APLP2: variants seen among roughly 807,000 people sequenced by gnomAD.
APLP2 encodes CDEI box-binding protein.
APLP2 carries 53 observed loss-of-function variants against 89.9 expected under a neutral mutation model. That is an observed-to-expected ratio of 0.59 (90% CI 0.47 to 0.74). APLP2 has a LOEUF of 0.74. APLP2 is among the 30% of genes least tolerant of loss of function. APLP2 has a pLI of 0.00. For missense variants in APLP2, 973 were observed against 975.9 expected (o/e 1.00, Z 0.04); for synonymous variants, 372 against 348.6 (o/e 1.07, Z -0.75).
At chr11:130,119,214 C>G (rs1169990654) in intron 3 of APLP2, among the ~76,000 whole-genome samples, 1 of 152,162 alleles carries the variant, frequency 6.6e-6, no homozygotes. Flanking sequence ...GTTAGTCTGC[C>G]AGCTGCATCT....
chr11:130,136,845 ACTT>A (rs1156911889), intron 13 of APLP2, among the ~76,000 whole-genome samples: 2 of 152,136 alleles, frequency 1.3e-5, no homozygotes, highest in Non-Finnish European at 2.9e-5. Context: ...TGCTTGGACA[ACTT>A]CTTATGTGCT....
At position 130,141,969 on chromosome 11, in the gene APLP2, C is replaced by T. The variant is rs972711664; in HGVS notation, c.2049C>T (p.Leu683=). The T allele has an allele frequency of 1.2e-5, 19 of 1,613,960 alleles. No individual in the cohort carries two copies. The highest frequency in any genetic ancestry group is 1.7e-5 in the Admixed American group (1 of 59,998). The change falls in exon 16 of 17, where the codon CTC becomes CTT. Residue 683 remains leucine, a synonymous_variant. Transcript: ENST00000338167. The surrounding 1 kb of genome is among the most constrained non-coding windows in gnomAD (Gnocchi z 4.2). The stretch of plus-strand genomic sequence containing the variant: ...ACTTCAGTCTGAGTAGCAGTGCTCT[C>T]ATTGGCCTGCTGGTCATCGCAGTGG... ...REDFSLSSSA[L]IGLLVIAVAI...
intron 13 of APLP2, chr11:130,139,577 GTCGTCGTGCTGCGTATTTGGATACTAT>G (rs1400782029): frequency 6.6e-6 from 1 of 152,206 alleles, no homozygotes; most frequent in Non-Finnish European, 1.5e-5. Context: ...CCTGTGCTGC[GTCGTCGTGCTGCGTATTTGGATACTAT>G]CCTTCGGAGC....
rs188658904 is a variant in APLP2 at position 130,134,307 on chromosome 11, C to T, written c.1684+579C>T. Among the ~76,000 whole-genome samples, 562 of 152,238 alleles carry T rather than the reference C, an allele frequency of 3.7e-3. 1 individual carries two copies. The highest frequency in any genetic ancestry group is 0.012 in the African/African-American group (515 of 41,528). ...AGTGCTAGAGAGTGGCCAGTCGGGG[C>T]GGCTGCCTCTGGGGACGGTGGCCTG... On this transcript the variant is annotated intron_variant, in intron 12 of 16. Transcript: ENST00000338167.
chr11:130,129,236 T>G lies in APLP2; in HGVS notation c.1455+30T>G, dbSNP rs781398502. The G allele has an allele frequency of 5.0e-6, 8 of 1,594,896 alleles. No homozygotes were observed. In the East Asian group the frequency reaches 1.6e-4, roughly 31 times the overall value. On this transcript the variant is annotated intron_variant, in intron 10 of 16. Transcript: ENST00000338167. ...GTCCTGCCCCTAGCACTGCCTGCCC[T>G]GAGGTGGTATATGTAGGGGACCAAT...
intron 13 of APLP2, chr11:130,137,305 A>G: frequency 6.2e-7 from 1 of 1,612,502 alleles, no homozygotes; most frequent in Non-Finnish European, 8.5e-7. Flanking sequence ...GGTTTGTCCA[A>G]GATGTTCCCT....
intron 1 of APLP2, among the ~76,000 whole-genome samples, chr11:130,078,212 A>G (rs1276762815): frequency 2.2e-5 from 3 of 137,426 alleles, no homozygotes; most frequent in South Asian, 2.3e-4. Context: ...TTCCGTATAT[A>G]TTTTTATGCA....
At chr11:130,076,223 C>T (rs899397364) in intron 1 of APLP2, among the ~76,000 whole-genome samples, 8 of 151,878 alleles carry the variant, frequency 5.3e-5, no homozygotes, top group Admixed American at 2.0e-4. Flanking sequence ...TACAGGTGTG[C>T]GCCACCATGC....
chr11:130,100,851 A>G (rs1399315440), intron 1 of APLP2, among the ~76,000 whole-genome samples: 3 of 152,256 alleles, frequency 2.0e-5, no homozygotes, highest in Non-Finnish European at 2.9e-5. Flanking sequence ...TTAAAAAATC[A>G]AAAGACCAAG....
intron 1 of APLP2, chr11:130,070,725 T>G: frequency 6.8e-7 from 1 of 1,468,396 alleles, no homozygotes. Context: ...CCTGCGTCCG[T>G]AGACCGAGGA....
At chr11:130,113,408 C>A (rs1190358227) in intron 3 of APLP2, among the ~76,000 whole-genome samples, 1 of 152,172 alleles carries the variant, frequency 6.6e-6, no homozygotes, top group African/African-American at 2.4e-5. Flanking sequence ...ATTGTGGTCA[C>A]TGAATAAAGC....
chr11:130,089,492 A>G (rs1944589054), intron 1 of APLP2, among the ~76,000 whole-genome samples: 1 of 152,156 alleles, frequency 6.6e-6, no homozygotes, highest in Non-Finnish European at 1.5e-5. Context: ...CTCACCTCAC[A>G]TTCACAGCGT....
chr11:130,103,338 T>C (rs924340248), intron 1 of APLP2, among the ~76,000 whole-genome samples: 1 of 152,058 alleles, frequency 6.6e-6, no homozygotes, highest in Non-Finnish European at 1.5e-5. Context: ...CAAGGATTAA[T>C]CTTTCTGAAC....
intron 1 of APLP2, among the ~76,000 whole-genome samples, chr11:130,091,457 C>G (rs1343490411): frequency 1.1e-4 from 15 of 134,028 alleles, no homozygotes; most frequent in South Asian, 2.3e-4. Flanking sequence ...AGAGGCGCCC[C>G]TCACCTCCCA....
At position 130,109,437 on chromosome 11, in the gene APLP2, A is replaced by G; in HGVS notation, c.114A>G (p.Ala38=). Residue 38 remains alanine (A), a synonymous_variant, in exon 2 of 17, where the codon GCA becomes GCG. Coordinates refer to ENST00000338167, the MANE Select transcript of APLP2 (RefSeq NM_001142276.2). ...TTTTTTCCCTTTGGTAGGCTCTTGC[A>G]GCCAATGCCGGAACAGGATTTGCTG... ...LALAGYIEAL[A]ANAGTGFAVA... 6.2e-7 allele frequency: 1 copy of G among 1,610,666 alleles called. No homozygotes were observed. The highest frequency in any genetic ancestry group is 8.5e-7 in the Non-Finnish European group (1 of 1,178,584).
Position 130,109,620 on chromosome 11 carries a change from A to G in APLP2, c.279+18A>G, listed in dbSNP as rs1010734331. 6 of 1,596,752 alleles carry G rather than the reference A, an allele frequency of 3.8e-6. No homozygotes were observed. The African/African-American group carries it at 8.1e-5, about 22-fold the overall frequency. On this transcript the variant is annotated intron_variant, in intron 2 of 16. Coordinates refer to ENST00000338167, the MANE Select transcript of APLP2 (RefSeq NM_001142276.2). ...GTCAGGAGGTAAGAGTGTTGCCAGT[A>G]AGTTGAAAGTGTTATTTTTCTGGGG...
chr11:130,121,477 A>C (rs1040373279), intron 4 of APLP2, 137 bp from the exon 5 acceptor site: 1 of 1,143,960 alleles, frequency 8.7e-7, no homozygotes, highest in African/African-American at 1.6e-5. Context: ...TTTTTTTGAC[A>C]GAAAATGTAT....
At chr11:130,096,980 T>C (rs565987546) in intron 1 of APLP2, among the ~76,000 whole-genome samples, 1 of 152,348 alleles carries the variant, frequency 6.6e-6, no homozygotes, top group East Asian at 1.9e-4. Context: ...ATTACAATAA[T>C]GCACATGGGC....
chr11:130,080,233 A>G (rs1942917728), intron 1 of APLP2, among the ~76,000 whole-genome samples: 1 of 152,058 alleles, frequency 6.6e-6, no homozygotes, highest in Admixed American at 6.5e-5. Context: ...ATTTTTTGAG[A>G]CGGAATCTTA....
Sources: allele counts gnomAD v4.1 joint callset (sites outside exome capture counted in the v4.1 genomes callset), GRCh38; gene constraint gnomAD v4.1.1; non-coding constraint Gnocchi (gnomAD v3.1); transcripts MANE v1.5; gene names NCBI Gene and HGNC (gene_info 2026-07-23, HGNC 2026-07-21).